LCOR: variants seen among roughly 807,000 people sequenced by gnomAD.
The protein encoded by LCOR is ligand-dependent corepressor.
Under a neutral mutation model 64.4 loss-of-function variants are expected in LCOR, and 14 were observed. The observed-to-expected ratio is 0.22, with a 90% CI of 0.14 to 0.34. The LOEUF is 0.34. Ranked by LOEUF, LCOR falls within the 10% of genes least tolerant of loss-of-function variation. The pLI, the probability that LCOR is intolerant of heterozygous loss-of-function variation, is 1.00. For missense variants in LCOR, 1,686 were observed against 1,765.3 expected, an observed-to-expected ratio of 0.96 and a Z score of 0.80; for synonymous variants, 643 against 642.5, an observed-to-expected ratio of 1.00 and a Z score of -0.01.
chr10:96,910,838 G>T (rs1015325743), intron 4 of LCOR, among the ~76,000 whole-genome samples: 25 of 152,182 alleles, frequency 1.6e-4, no homozygotes, highest in African/African-American at 6.0e-4. Context: ...CTTTTAGCTA[G>T]TTGGATTTTC....
At chr10:96,948,884 G>A (rs1847630334) in intron 5 of LCOR, 124 bp from the exon 6 acceptor site, 1 of 644,722 alleles carries the variant, frequency 1.6e-6, no homozygotes, top group Non-Finnish European at 2.5e-6. Context: ...TAAGTCAAAG[G>A]GGAGATACTA....
intron 2 of LCOR, among the ~76,000 whole-genome samples, chr10:96,841,686 T>C (rs1845544059): frequency 6.6e-6 from 1 of 151,998 alleles, no homozygotes; most frequent in South Asian, 2.1e-4. Context: ...GATTAGAAGA[T>C]GTTGTGAACA....
intron 4 of LCOR, among the ~76,000 whole-genome samples, chr10:96,923,503 C>T (rs1040659245): frequency 2.6e-5 from 4 of 152,180 alleles, no homozygotes; most frequent in Admixed American, 6.5e-5. Context: ...CTCTTGAGGT[C>T]TTACCTCTCA....
Position 96,867,374 on chromosome 10 carries a change from A to T in LCOR, c.-330+33895A>T, listed in dbSNP as rs117927753. Among the ~76,000 whole-genome samples the T allele has an allele frequency of 4.1e-3, 620 of 152,272 alleles. 15 individuals carry two copies. The East Asian group carries it at 0.064, about 16-fold the overall frequency. On this transcript the variant is annotated intron_variant, in intron 2 of 7. Transcript: ENST00000421806. ...TACTTTGTCAGGCTGAGGTAGGAGGATCATTTGAGTCCAGGAGTTTGAGAC... is the reference window on the plus strand; with the variant it reads ...TACTTTGTCAGGCTGAGGTAGGAGGTTCATTTGAGTCCAGGAGTTTGAGAC...
At chr10:96,955,270 A>C in intron 7 of LCOR, 1 of 1,614,166 alleles carries the variant, frequency 6.2e-7, no homozygotes, top group Non-Finnish European at 8.5e-7. Context: ...GCACTCAGCA[A>C]CATCAGTGAC....
chr10:96,952,567 G>T (rs1589679226), intron 7 of LCOR, among the ~76,000 whole-genome samples: 1 of 77,360 alleles, frequency 1.3e-5, no homozygotes, highest in Admixed American at 1.2e-4. Flanking sequence ...AGTGGGGTTT[G>T]TGTGTGTGTG....
chr10:96,832,602 C>T (rs1225366878), intron 1 of LCOR, among the ~76,000 whole-genome samples: 3 of 148,404 alleles, frequency 2.0e-5, no homozygotes, highest in Admixed American at 6.6e-5. Flanking sequence ...GAGCGCGCGC[C>T]GGCCCCTCCC....
At chr10:96,892,873 ATTAAT>A (rs1230265294) in intron 2 of LCOR, among the ~76,000 whole-genome samples, 1 of 152,178 alleles carries the variant, frequency 6.6e-6, no homozygotes, top group Non-Finnish European at 1.5e-5. Flanking sequence ...TGCTTTTTAA[ATTAAT>A]TCTGCCCATC....
At chr10:96,949,692 C>G (rs190298934) in intron 6 of LCOR, among the ~76,000 whole-genome samples, 4 of 152,118 alleles carry the variant, frequency 2.6e-5, no homozygotes, top group Non-Finnish European at 2.9e-5. Context: ...CCTCTACTTG[C>G]AGGTATAAGT....
intron 2 of LCOR, among the ~76,000 whole-genome samples, chr10:96,903,236 T>C (rs192194852): frequency 6.8e-4 from 103 of 152,296 alleles, no homozygotes; most frequent in Non-Finnish European, 1.0e-3. Flanking sequence ...TGTAGACTTA[T>C]AAATACTGTA....
chr10:96,936,409 A>G (rs1166673574), intron 4 of LCOR, among the ~76,000 whole-genome samples: 1 of 152,256 alleles, frequency 6.6e-6, no homozygotes, highest in Non-Finnish European at 1.5e-5. Flanking sequence ...AAAGAAATGA[A>G]GTAATGTAAA....
intron 2 of LCOR, among the ~76,000 whole-genome samples, chr10:96,896,711 A>G (rs772643233): frequency 1.3e-5 from 2 of 152,176 alleles, no homozygotes; most frequent in Non-Finnish European, 2.9e-5. Context: ...GACATGAGCC[A>G]TGATACTCGG....
chr10:96,957,205 A>G, intron 7 of LCOR: 1 of 983,770 alleles, frequency 1.0e-6, no homozygotes, highest in Non-Finnish European at 1.2e-6. Flanking sequence ...GTTGGTTAGA[A>G]TTTTTTTCTG....
chr10:96,887,673 A>C (rs1846366755), intron 2 of LCOR, among the ~76,000 whole-genome samples: 1 of 150,448 alleles, frequency 6.6e-6, no homozygotes, highest in Non-Finnish European at 1.5e-5. Context: ...TGCAAGCTAA[A>C]CTAGCTACTT....
Position 96,949,159 on chromosome 10 carries a change from G to T in LCOR, c.102G>T (p.Pro34=). ...QPNSTKNQSL[P]KASPVTTSPT... ...ATAGCACAAAGAACCAAAGCCTGCC[G>T]AAAGCATCTCCAGTCACCACCTCTC... The change falls in exon 6 of 8, where the codon CCG becomes CCT. Residue 34 remains proline (P), a synonymous_variant. Coordinates refer to ENST00000421806, the MANE Select transcript of LCOR (RefSeq NM_001346516.2). 1 of 1,614,014 alleles carries T rather than the reference G, an allele frequency of 6.2e-7. No homozygotes were observed. The highest frequency in any genetic ancestry group is 2.2e-5 in the East Asian group (1 of 44,876).
Position 96,952,024 on chromosome 10 carries a change from C to A in LCOR, c.239-79C>A, listed in dbSNP as rs147591932. ...TTAGTTGAATAAGCCTGCTTAACTG[C>A]TTTTTCATTTTTAGCCTATTTAGTT... On this transcript the variant is annotated intron_variant, in intron 6 of 7. Transcript: ENST00000421806. The A allele has an allele frequency of 1.4e-3, 1,349 of 993,484 alleles. 21 individuals carry two copies. The African/African-American group carries it at 0.02, about 14-fold the overall frequency. 61.5% of individuals were successfully genotyped at this position (993,484 alleles called of 1,614,324 possible). A position where few individuals can be genotyped will look rare whatever the true frequency, so the allele number is the denominator to read the frequency against.
intron 2 of LCOR, among the ~76,000 whole-genome samples, chr10:96,893,775 A>AAG (rs1846489473): frequency 6.6e-6 from 1 of 151,958 alleles, no homozygotes; most frequent in African/African-American, 2.4e-5. Flanking sequence ...AAAAAAAAAA[A>AAG]AAAGAAATTG....
Position 96,950,781 on chromosome 10 carries a change from T to C in LCOR, c.239-1322T>C, listed in dbSNP as rs116925167. ...TATTTTTAGTGGTAGATTTAAAATA[T>C]GTTGCCTGTTTGATTAGACAAATTG... On this transcript the variant is annotated intron_variant, in intron 6 of 7. Transcript: ENST00000421806. Among the ~76,000 whole-genome samples, 632 of 152,270 alleles carry C rather than the reference T, an allele frequency of 4.2e-3. 3 individuals are homozygous for C. The highest frequency in any genetic ancestry group is 7.0e-3 in the Non-Finnish European group (473 of 67,956).
At chr10:96,870,483 C>T (rs938766918) in intron 2 of LCOR, among the ~76,000 whole-genome samples, 2 of 152,188 alleles carry the variant, frequency 1.3e-5, no homozygotes, top group Admixed American at 1.3e-4. Context: ...GAATAGATTT[C>T]TCATGTGTTG....
Sources: gnomAD v4.1 joint callset for allele counts (sites outside exome capture counted in the v4.1 genomes callset) on GRCh38, gnomAD v4.1.1 for gene constraint, MANE v1.5 for transcripts, NCBI Gene and HGNC (gene_info 2026-07-23, HGNC 2026-07-21) for gene names.